The following MFN1 variants were observed in gnomAD, a reference collection of about 807,000 sequenced individuals.
MFN1 encodes the protein mitofusin-1.
Under a neutral mutation model 92.4 loss-of-function variants are expected in MFN1, and 65 were observed. That is an observed-to-expected ratio of 0.70 (90% CI 0.58 to 0.86). The LOEUF is 0.86. MFN1 is among the 40% of genes least tolerant of loss of function. The pLI, the probability that MFN1 is intolerant of heterozygous loss-of-function variation, is 0.00. For missense variants in MFN1, 781 were observed against 868.0 expected (o/e 0.90, Z 1.26); for synonymous variants, 297 against 300.9 (o/e 0.99, Z 0.13).
At position 179,365,120 on chromosome 3, in the gene MFN1, A is replaced by G. The variant is rs1448335115; in HGVS notation, c.648A>G (p.Glu216=). The G allele has an allele frequency of 9.2e-6, 14 of 1,529,130 alleles. No individual in the cohort carries two copies. The highest frequency in any genetic ancestry group is 1.2e-5 in the Non-Finnish European group (14 of 1,148,154). 94.7% of individuals were successfully genotyped at this position (1,529,130 alleles called of 1,614,324 possible). The change falls in exon 7 of 18, where the codon GAA becomes GAG. Residue 216 remains glutamate, a splice_region_variant and synonymous_variant. Transcript: ENST00000471841. ...ANSESTLMNT[E]KHFFHKVNER... ...GTGGGGTTTTTTTTGTTTTTCAGGA[A>G]AAACACTTTTTTCACAAGGTGAATG...
chr3:179,377,002 A>G (rs747811065), intron 10 of MFN1, 40 bp from the exon 11 acceptor site: 1 of 1,603,516 alleles, frequency 6.2e-7, no homozygotes, highest in Non-Finnish European at 8.5e-7. Context: ...TTAGGACTTC[A>G]GACTACCCTG....
At chr3:179,389,163 G>A (rs1713805411) in intron 16 of MFN1, among the ~76,000 whole-genome samples, 1 of 152,136 alleles carries the variant, frequency 6.6e-6, no homozygotes, top group Non-Finnish European at 1.5e-5. Context: ...TTCATTCATT[G>A]ACCAAGTTTT....
At chr3:179,388,076 C>T (rs550216787) in intron 16 of MFN1, among the ~76,000 whole-genome samples, 1 of 151,044 alleles carries the variant, frequency 6.6e-6, no homozygotes, top group Non-Finnish European at 1.5e-5. Context: ...TTTAGTAGAG[C>T]CAAGGTTTCA....
intron 9 of MFN1, 61 bp from the exon 10 acceptor site, chr3:179,375,159 A>T: frequency 6.8e-7 from 1 of 1,471,744 alleles, no homozygotes; most frequent in South Asian, 1.4e-5. Flanking sequence ...TTTTGTGTTT[A>T]AATTCCTGAA....
rs550216787 is a variant in MFN1 at position 179,388,076 on chromosome 3, C to A, written c.2012+1447C>A. On this transcript the variant is annotated intron_variant, in intron 16 of 17. Coordinates refer to ENST00000471841, the MANE Select transcript of MFN1 (RefSeq NM_033540.3). ...TTTGTATTTTTTTTTTTTAGTAGAG[C>A]CAAGGTTTCACCATGTTGGCCAGGC... is the stretch of plus-strand genomic sequence containing the variant. 3.0e-3 allele frequency among the ~76,000 whole-genome samples: 454 copies of A among 151,160 alleles called. 6 individuals carry two copies. Among genetic ancestry groups the A allele is most frequent in the African/African-American group, 0.011 (446 of 41,190 alleles).
chr3:179,388,615 G>T (rs997305313), intron 16 of MFN1, among the ~76,000 whole-genome samples: 2 of 152,160 alleles, frequency 1.3e-5, no homozygotes, highest in Non-Finnish European at 2.9e-5. Flanking sequence ...ATAATACAAA[G>T]TGAGAGTGAT....
At chr3:179,384,066 A>G (rs192278530) in intron 14 of MFN1, among the ~76,000 whole-genome samples, 18 of 152,322 alleles carry the variant, frequency 1.2e-4, no homozygotes, top group Admixed American at 8.5e-4. Context: ...AAATGCAATC[A>G]TATAGAATGT....
At position 179,393,344 on chromosome 3, in the gene MFN1, A is replaced by G. The variant is rs1713980310; in HGVS notation, c.*1285A>G. The G allele has an allele frequency of 6.6e-6, 1 of 152,200 alleles. No homozygotes were observed. Among genetic ancestry groups the G allele is most frequent in the Non-Finnish European group, 1.5e-5 (1 of 68,028 alleles). The allele number at this position is 152,200 out of a possible 1,614,324, so 9.4% of individuals were successfully genotyped here. A position where few individuals can be genotyped will look rare whatever the true frequency, so the allele number is the denominator to read the frequency against. On this transcript the variant is annotated 3_prime_UTR_variant, in exon 18 of 18. Transcript: ENST00000471841. Reference sequence around the variant, plus strand: ...CCTAGACACTTGTTAGAAATGCACAATCCCGGGGAACGCAGTACATTTGGC... The same window carrying G: ...CCTAGACACTTGTTAGAAATGCACAGTCCCGGGGAACGCAGTACATTTGGC...
rs1352743912 is a variant in MFN1, at chr3:179,393,081, G to A, written c.*1022G>A. ...TTCTTCCCCACTGTGGAAGAGGCCA[G>A]TTTTGCCTCCATTTGCACATTCATT... is the stretch of plus-strand genomic sequence containing the variant. On this transcript the variant is annotated 3_prime_UTR_variant, in exon 18 of 18. Transcript: ENST00000471841. 6.6e-6 allele frequency: 1 copy of A among 152,178 alleles called. No homozygotes were observed. The highest frequency in any genetic ancestry group is 1.5e-5 in the Non-Finnish European group (1 of 68,032). The allele number at this position is 152,178 out of a possible 1,614,324, so 9.4% of individuals were successfully genotyped here. A position where few individuals can be genotyped will look rare whatever the true frequency, so the allele number is the denominator to read the frequency against.
At chr3:179,363,544 T>A (rs1712666071) in intron 5 of MFN1, among the ~76,000 whole-genome samples, 1 of 151,516 alleles carries the variant, frequency 6.6e-6, no homozygotes. Flanking sequence ...CAGTCTGGAG[T>A]GCAGTGGTGG....
chr3:179,389,862 C>CGA (rs1713834932), intron 16 of MFN1, 142 bp from the exon 17 acceptor site: 1 of 693,960 alleles, frequency 1.4e-6, no homozygotes, highest in African/African-American at 1.9e-5. Context: ...GCCATATCTT[C>CGA]CCTCTTATCA....
intron 1 of MFN1, 175 bp from the exon 2 acceptor site, chr3:179,348,670 T>G: frequency 1.1e-6 from 1 of 910,796 alleles, no homozygotes; most frequent in South Asian, 3.3e-5. Context: ...GAAATATCAT[T>G]CAAAAGTCGT....
In MFN1 at chr3:179,348,934, TTGTTAC is replaced by T; in HGVS notation, c.86_91del (p.Val29_Thr30del). 1.3e-6 allele frequency: 2 copies of T among 1,597,180 alleles called. No homozygotes were observed. The highest frequency in any genetic ancestry group is 2.2e-5 in the South Asian group (2 of 90,310). ...GCAATCTTTGACCAGTTACTGGAGT[TTGTTAC>T]TGAAGGATCACATTTTGTTGAAGGT... On this transcript the variant is annotated inframe_deletion, in exon 2 of 18. Transcript: ENST00000471841.
At chr3:179,391,853 A>G (rs1394544744) in intron 17 of MFN1, 128 bp from the exon 18 acceptor site, 16 of 610,262 alleles carry the variant, frequency 2.6e-5, no homozygotes, top group Non-Finnish European at 4.7e-5. Context: ...CGTGTAAGGT[A>G]TGATTCCACT....
intron 6 of MFN1, among the ~76,000 whole-genome samples, chr3:179,364,804 G>C (rs1712721098): frequency 6.6e-6 from 1 of 152,088 alleles, no homozygotes; most frequent in African/African-American, 2.4e-5. Flanking sequence ...TATACTCCAG[G>C]TTTCAGCTTA....
chr3:179,362,784 C>A (rs1195525232), intron 5 of MFN1, among the ~76,000 whole-genome samples: 1 of 152,168 alleles, frequency 6.6e-6, no homozygotes, highest in Non-Finnish European at 1.5e-5. Flanking sequence ...AGTGATTCTC[C>A]CACCTCAGTC....
chr3:179,359,071 T>G, intron 4 of MFN1, 69 bp downstream of exon 4: 1 of 1,426,756 alleles, frequency 7.0e-7, no homozygotes, highest in Non-Finnish European at 9.3e-7. Context: ...TTTAATAACA[T>G]TTTTATAAGA....
intron 14 of MFN1, among the ~76,000 whole-genome samples, chr3:179,385,131 T>A (rs2108556542): frequency 6.6e-6 from 1 of 151,504 alleles, no homozygotes; most frequent in South Asian, 2.1e-4. Context: ...GCCAGGATGG[T>A]CTCGATCTCC....
At chr3:179,350,505 T>C (rs9809536) in intron 2 of MFN1, among the ~76,000 whole-genome samples, 19,328 of 152,180 alleles carry the variant, frequency 0.13, 4,068 homozygotes, top group African/African-American at 0.44. Flanking sequence ...TAAATGTGTA[T>C]TGTACGTGTT....
Sources: allele counts gnomAD v4.1 joint callset (sites outside exome capture counted in the v4.1 genomes callset), GRCh38; gene constraint gnomAD v4.1.1; transcripts MANE v1.5; gene names NCBI Gene and HGNC (gene_info 2026-07-23, HGNC 2026-07-21).